The following LMNB1 variants were observed in gnomAD, a reference collection of about 807,000 sequenced individuals.
LMNB1 encodes the protein lamin B1.
Under a neutral mutation model 67.1 loss-of-function variants are expected in LMNB1, and 23 were observed. That is an observed-to-expected ratio of 0.34 (90% CI 0.25 to 0.49). The LOEUF (loss-of-function observed/expected upper bound fraction) is 0.49. LMNB1 is among the 20% of genes least tolerant of loss of function. The pLI is 0.99. For missense variants in LMNB1, 634 were observed against 746.5 expected, an observed-to-expected ratio of 0.85 and a Z score of 1.76; for synonymous variants, 281 against 282.9, an observed-to-expected ratio of 0.99 and a Z score of 0.07.
chr5:126,834,365 C>T (rs1014708382), intron 10 of LMNB1, among the ~76,000 whole-genome samples: 6 of 152,156 alleles, frequency 3.9e-5, no homozygotes, highest in Admixed American at 1.3e-4. Flanking sequence ...GCCACCACGC[C>T]TGGCTAATTT....
intron 5 of LMNB1, among the ~76,000 whole-genome samples, chr5:126,814,357 C>G (rs1438062757): frequency 1.3e-5 from 2 of 152,062 alleles, no homozygotes; most frequent in African/African-American, 4.8e-5. Flanking sequence ...ATTTTTTTGG[C>G]TGCTGCCTAA....
At chr5:126,797,110 G>A (rs1013387097) in intron 1 of LMNB1, among the ~76,000 whole-genome samples, 26 of 152,088 alleles carry the variant, frequency 1.7e-4, no homozygotes, top group Non-Finnish European at 3.1e-4. Context: ...CTTTTTAATG[G>A]CCAGATACTT....
chr5:126,792,816 T>C (rs999796440), intron 1 of LMNB1, among the ~76,000 whole-genome samples: 2 of 151,820 alleles, frequency 1.3e-5, no homozygotes, highest in Non-Finnish European at 2.9e-5. Flanking sequence ...CCTCAGGTGA[T>C]CCACCCGCCT....
In LMNB1 at chr5:126,789,829, G is replaced by A. The variant is rs530577799; in HGVS notation, c.359+11962G>A. 6.6e-5 allele frequency among the ~76,000 whole-genome samples: 10 copies of A among 152,018 alleles called. No homozygotes were observed. The South Asian group carries it at 1.9e-3, about 28-fold the overall frequency. ...GCTGGGACTACAGGCACCTACCAAC[G>A]AGCCCGACTAATTTTTTGTATTTTT... On this transcript the variant is annotated intron_variant, in intron 1 of 10. Coordinates refer to ENST00000261366, the MANE Select transcript of LMNB1 (RefSeq NM_005573.4).
intron 10 of LMNB1, among the ~76,000 whole-genome samples, chr5:126,833,768 A>G (rs1032230551): frequency 6.6e-6 from 1 of 152,272 alleles, no homozygotes; most frequent in East Asian, 1.9e-4. Context: ...TGAGTTATAT[A>G]GCATGTCAGA....
At chr5:126,821,937 G>A (rs1343583026) in intron 7 of LMNB1, among the ~76,000 whole-genome samples, 1 of 151,950 alleles carries the variant, frequency 6.6e-6, no homozygotes, top group Non-Finnish European at 1.5e-5. Context: ...TATGTAATTT[G>A]GATGAGTGAA....
At chr5:126,792,828 G>A (rs572954013) in intron 1 of LMNB1, among the ~76,000 whole-genome samples, 2 of 151,208 alleles carry the variant, frequency 1.3e-5, no homozygotes, top group East Asian at 3.9e-4. Flanking sequence ...CACCCGCCTC[G>A]GCCTCCCAAA....
In LMNB1 at chr5:126,777,851, G is replaced by T; in HGVS notation, c.343G>T (p.Asp115Tyr). ...GCTGGGCAAGTGCAAGGCGGAACACGACCAGCTGCTCCTCAAGTGAGTGCT... is the reference window on the plus strand; with the variant it reads ...GCTGGGCAAGTGCAAGGCGGAACACTACCAGCTGCTCCTCAAGTGAGTGCT... ...IELGKCKAEH[D>Y]QLLLNYAKKE... The change falls in exon 1 of 11, where the codon GAC (aspartate) becomes TAC (tyrosine). Residue 115 changes from aspartate to tyrosine, a missense_variant. Coordinates refer to ENST00000261366, the MANE Select transcript of LMNB1 (RefSeq NM_005573.4). 7.0e-7 allele frequency: 1 copy of T among 1,437,276 alleles called. No individual in the cohort carries two copies. 89.0% of individuals were successfully genotyped at this position (1,437,276 alleles called of 1,614,324 possible).
intron 1 of LMNB1, among the ~76,000 whole-genome samples, chr5:126,787,546 A>ATTT (rs142332901): frequency 1.8e-4 from 12 of 65,562 alleles, no homozygotes; most frequent in African/African-American, 7.2e-4. Context: ...ATATATATAT[A>ATTT]TTTTTTTTTT....
rs1751857374 is a variant in LMNB1, at chr5:126,821,072, T to C, written c.1323T>C (p.Asn441=). 3.7e-6 allele frequency: 6 copies of C among 1,614,020 alleles called. No homozygotes were observed. Among genetic ancestry groups the C allele is most frequent in the Non-Finnish European group, 4.2e-6 (5 of 1,180,000 alleles). ...CTCATTCCGCCTCAGCCACTGGAAA[T>C]GTTTGCATCGAAGAAATTGATGTTG... ...SISHSASATG[N]VCIEEIDVDG... Residue 441 remains asparagine, a synonymous_variant, in exon 7 of 11, where the codon AAT becomes AAC. Coordinates refer to ENST00000261366, the MANE Select transcript of LMNB1 (RefSeq NM_005573.4).
At chr5:126,814,786 A>G (rs1268310594) in intron 5 of LMNB1, among the ~76,000 whole-genome samples, 2 of 152,146 alleles carry the variant, frequency 1.3e-5, no homozygotes, top group Non-Finnish European at 2.9e-5. Context: ...TACTCTGCCT[A>G]CCTTGGCCTC....
At chr5:126,820,206 CAGATAATTTTAAT>C (rs1263360285) in intron 6 of LMNB1, among the ~76,000 whole-genome samples, 1 of 151,878 alleles carries the variant, frequency 6.6e-6, no homozygotes, top group Non-Finnish European at 1.5e-5. Flanking sequence ...GATAAAAAGC[CAGATAATTTTAAT>C]ATTATATCCG....
chr5:126,785,480 CT>C (rs111537827), intron 1 of LMNB1, among the ~76,000 whole-genome samples: 184 of 137,322 alleles, frequency 1.3e-3, no homozygotes, highest in Non-Finnish European at 1.5e-3. Flanking sequence ...TTTTCTTTTT[CT>C]TTTTTTTTTT....
At chr5:126,798,470 A>C (rs971920035) in intron 1 of LMNB1, among the ~76,000 whole-genome samples, 1 of 152,142 alleles carries the variant, frequency 6.6e-6, no homozygotes, top group Non-Finnish European at 1.5e-5. Flanking sequence ...AACAAACAAA[A>C]AAACTCCAAC....
Position 126,819,123 on chromosome 5 carries a change from T to G in LMNB1, c.1141T>G (p.Leu381Val). The G allele has an allele frequency of 6.2e-7, 1 of 1,613,942 alleles. No individual in the cohort carries two copies. The highest frequency in any genetic ancestry group is 8.5e-7 in the Non-Finnish European group (1 of 1,179,848). ...DMEISAYRKL[L>V]EGEEERLKLS... is the part of the protein sequence containing the mutation. ...GGAAATCAGTGCTTACAGGAAACTC[T>G]TAGAAGGCGAAGAAGAGAGGTAAGG... Residue 381 changes from leucine to valine, a missense_variant, in exon 6 of 11, where the codon TTA (leucine) becomes GTA (valine). Coordinates refer to ENST00000261366, the MANE Select transcript of LMNB1 (RefSeq NM_005573.4).
At position 126,826,086 on chromosome 5, in the gene LMNB1, A is replaced by T. The variant is rs1472876819; in HGVS notation, c.1590A>T (p.Ile530=). ...GCACTGGCGAAGATGTGAAGGTTAT[A>T]TTGAAAAATTCTCAGGGAGAGGTAT... ...SWGTGEDVKV[I]LKNSQGEEVA... is the part of the protein sequence containing the mutation. Residue 530 remains isoleucine, a synonymous_variant, in exon 9 of 11, where the codon ATA becomes ATT. Transcript: ENST00000261366. The T allele has an allele frequency of 1.9e-6, 3 of 1,613,078 alleles. No individual in the cohort carries two copies. The highest frequency in any genetic ancestry group is 2.5e-6 in the Non-Finnish European group (3 of 1,179,222).
intron 1 of LMNB1, among the ~76,000 whole-genome samples, chr5:126,787,437 ATATGTATATGTTATATATAACATATACTT>A (rs71223029): frequency 8.7e-5 from 12 of 138,610 alleles, no homozygotes; most frequent in Non-Finnish European, 1.7e-4. Flanking sequence ...TATACATCTT[ATATGTATATGTTATATATAACATATACTT>A]TATGTATATG....
chr5:126,824,578 A>T (rs995494624), intron 8 of LMNB1, among the ~76,000 whole-genome samples: 1 of 152,226 alleles, frequency 6.6e-6, no homozygotes, highest in African/African-American at 2.4e-5. Flanking sequence ...TTTTATGATG[A>T]TGATTACTAA....
chr5:126,777,496 T>C lies in LMNB1; in HGVS notation c.-13T>C. ...CTCGCGGCCTCGCCGCCCCGCTGTC[T>C]CCGCCGCCCGCCATGGCGACTGCGA... On this transcript the variant is annotated 5_prime_UTR_variant, in exon 1 of 11. Transcript: ENST00000261366. 7.6e-7 allele frequency: 1 copy of C among 1,321,958 alleles called. No homozygotes were observed. Among genetic ancestry groups the C allele is most frequent in the Non-Finnish European group, 9.6e-7 (1 of 1,038,908 alleles). 81.9% of individuals were successfully genotyped at this position (1,321,958 alleles called of 1,614,324 possible).
Sources: gnomAD v4.1 joint callset for allele counts (sites outside exome capture counted in the v4.1 genomes callset) on GRCh38, gnomAD v4.1.1 for gene constraint, MANE v1.5 for transcripts, NCBI Gene and HGNC (gene_info 2026-07-23, HGNC 2026-07-21) for gene names.